PARVB: variants seen among roughly 807,000 people sequenced by gnomAD.
The protein encoded by PARVB is beta-parvin.
A neutral mutation model predicts 47.0 loss-of-function variants in PARVB; 46 were observed. The ratio of observed to expected loss-of-function variants is 0.98; its 90% CI spans 0.77 to 1.25. The LOEUF is 1.25. Among genes scored for constraint, PARVB ranks in the 50% most tolerant of loss-of-function variants. The pLI is 0.00. For synonymous variants in PARVB, 196 were observed against 196.3 expected (o/e 1.00, Z 0.01); for missense variants, 473 against 471.6 (o/e 1.00, Z -0.03).
intron 4 of PARVB, among the ~76,000 whole-genome samples, chr22:44,121,159 A>G (rs756443061): frequency 1.1e-4 from 17 of 151,516 alleles, no homozygotes; most frequent in Non-Finnish European, 2.5e-4. Context: ...GTTTTGTATT[A>G]AATTTTTAAA....
intron 3 of PARVB, among the ~76,000 whole-genome samples, 189 bp downstream of exon 3, chr22:44,100,312 G>T (rs1490330493): frequency 6.6e-6 from 1 of 152,170 alleles, no homozygotes; most frequent in African/African-American, 2.4e-5. Flanking sequence ...AGTGCCAAGC[G>T]CCTCCCATGT....
chr22:44,027,640 G>A (rs1022693226), intron 1 of PARVB, among the ~76,000 whole-genome samples: 1 of 152,168 alleles, frequency 6.6e-6, no homozygotes, highest in Non-Finnish European at 1.5e-5. Context: ...GCTCACGCCT[G>A]TAATCCCAGC....
intron 1 of PARVB, among the ~76,000 whole-genome samples, chr22:44,031,848 G>A (rs1420584338): frequency 6.6e-6 from 1 of 152,082 alleles, no homozygotes; most frequent in Non-Finnish European, 1.5e-5. Context: ...CCCTGCTGTG[G>A]TTGGCACAGG....
chr22:44,096,592 C>T (rs778580800), intron 2 of PARVB, among the ~76,000 whole-genome samples: 1 of 152,138 alleles, frequency 6.6e-6, no homozygotes, highest in Non-Finnish European at 1.5e-5. Context: ...ATCATTATCC[C>T]CATTGTACAG....
chr22:44,013,179 T>G (rs910145929), intron 2 of PARVB, among the ~76,000 whole-genome samples: 1 of 152,176 alleles, frequency 6.6e-6, no homozygotes, highest in African/African-American at 2.4e-5. Flanking sequence ...ATTACAGGCG[T>G]GAGTCACCGT....
intron 1 of PARVB, among the ~76,000 whole-genome samples, chr22:44,065,335 T>G (rs1300100080): frequency 6.6e-6 from 1 of 152,110 alleles, no homozygotes. Flanking sequence ...TTATTTTCTG[T>G]TTTTTTAGAG....
At chr22:44,151,029 C>CAAAAAAAAAAAAAAAAAAAAAAAAAAAAA (rs35913551) in intron 9 of PARVB, 1 of 51,670 alleles carries the variant, frequency 1.9e-5, no homozygotes, top group Admixed American at 2.7e-4. Context: ...GAGACTGTCT[C>CAAAAAAAAAAAAAAAAAAAAAAAAAAAAA]AAAAAAAAAA....
At chr22:44,135,504 G>T (rs185906946) in intron 6 of PARVB, among the ~76,000 whole-genome samples, 1 of 152,148 alleles carries the variant, frequency 6.6e-6, no homozygotes, top group East Asian at 1.9e-4. Context: ...TGATCTGCCT[G>T]CCTTGGCCTC....
intron 1 of PARVB, among the ~76,000 whole-genome samples, chr22:44,044,405 T>A (rs573888443): frequency 1.3e-5 from 2 of 152,224 alleles, no homozygotes; most frequent in Admixed American, 1.3e-4. Context: ...TTAGCCAGGA[T>A]GGTCTCGATC....
chr22:44,132,226 A>G (rs1817846217), intron 5 of PARVB, among the ~76,000 whole-genome samples: 1 of 152,106 alleles, frequency 6.6e-6, no homozygotes, highest in South Asian at 2.1e-4. Flanking sequence ...AGTGGTAGGC[A>G]GGAGACCCTG....
chr22:44,046,591 G>A (rs887892088), intron 1 of PARVB, among the ~76,000 whole-genome samples: 15 of 152,216 alleles, frequency 9.9e-5, no homozygotes, highest in African/African-American at 3.1e-4. Context: ...AACACTGCCC[G>A]CTGACAATCA....
intron 1 of PARVB, chr22:44,031,223 C>T (rs1706071958): frequency 6.6e-6 from 1 of 152,212 alleles, no homozygotes. Context: ...AAACGCTCCT[C>T]AGGGTGGTGA....
At chr22:44,061,490 T>G (rs2051419127) in intron 1 of PARVB, among the ~76,000 whole-genome samples, 1 of 151,900 alleles carries the variant, frequency 6.6e-6, no homozygotes, top group Admixed American at 6.6e-5. Context: ...CACCAACAAA[T>G]AGCAGAAAAA....
upstream of PARVB, among the ~76,000 whole-genome samples, chr22:44,021,906 G>A (rs113900055): frequency 0.024 from 3,616 of 152,162 alleles, 144 homozygotes; most frequent in African/African-American, 0.084. Context: ...CAGGAGCCTG[G>A]AGAGATGCAG....
At chr22:44,121,921 A>G (rs1305088781) in intron 4 of PARVB, among the ~76,000 whole-genome samples, 1 of 152,202 alleles carries the variant, frequency 6.6e-6, no homozygotes, top group Non-Finnish European at 1.5e-5. Context: ...ACCTCTATCA[A>G]CTACAAACAT....
chr22:44,161,115 G>A (rs1257478990), intron 11 of PARVB, among the ~76,000 whole-genome samples: 1 of 152,024 alleles, frequency 6.6e-6, no homozygotes, highest in Non-Finnish European at 1.5e-5. Context: ...AGCCTGTTGT[G>A]TGTGTGTGTG....
At chr22:44,005,000 C>T (rs2050449599) in intron 2 of PARVB, among the ~76,000 whole-genome samples, 1 of 152,178 alleles carries the variant, frequency 6.6e-6, no homozygotes, top group African/African-American at 2.4e-5. Flanking sequence ...TCCTGACCGA[C>T]CTGCTTATGA....
At chr22:44,129,298 G>A (rs1321146219) in intron 4 of PARVB, among the ~76,000 whole-genome samples, 1 of 152,156 alleles carries the variant, frequency 6.6e-6, no homozygotes, top group African/African-American at 2.4e-5. Context: ...CCTTGATCTT[G>A]GACTTCTGGC....
chr22:44,155,347 G>A lies in PARVB; in HGVS notation c.844-2635G>A, dbSNP rs996208851. Among the ~76,000 whole-genome samples the A allele has an allele frequency of 6.6e-6, 1 of 152,150 alleles. No individual in the cohort carries two copies. Among genetic ancestry groups the A allele is most frequent in the Non-Finnish European group, 1.5e-5 (1 of 68,032 alleles). On this transcript the variant is annotated intron_variant, in intron 10 of 12. Transcript: ENST00000338758. This position sits in a 1 kb window ranked among gnomAD's most constrained non-coding sequence, Gnocchi z 4.8. Reference sequence around the variant, plus strand: ...CCGTGGGGATTCTGCTCCCTGCTGAGCTAGACAGCAGGTTGTGGAGAGAGG... The same window carrying A: ...CCGTGGGGATTCTGCTCCCTGCTGAACTAGACAGCAGGTTGTGGAGAGAGG...
Sources: allele counts gnomAD v4.1 joint callset (sites outside exome capture counted in the v4.1 genomes callset), GRCh38; gene constraint gnomAD v4.1.1; non-coding constraint Gnocchi (gnomAD v3.1); transcripts MANE v1.5; gene names NCBI Gene and HGNC (gene_info 2026-07-23, HGNC 2026-07-21).